HS6ST1: variants seen among roughly 807,000 people sequenced by gnomAD.
HS6ST1 encodes heparan-sulfate 6-O-sulfotransferase 1.
A neutral mutation model predicts 25.2 loss-of-function variants in HS6ST1; 3 were observed. The ratio of observed to expected loss-of-function variants is 0.12; its 90% CI spans 0.05 to 0.31. HS6ST1 has a LOEUF of 0.31. Among genes scored for constraint, HS6ST1 ranks in the 10% least tolerant of loss-of-function variants. The pLI, the probability that HS6ST1 is intolerant of heterozygous loss-of-function variation, is 1.00. For missense variants in HS6ST1, 310 were observed against 609.6 expected (o/e 0.51, Z 5.18); for synonymous variants, 204 against 275.1 (o/e 0.74, Z 2.56).
In HS6ST1 at chr2:128,310,283, G is replaced by A. The variant is rs559002590; in HGVS notation, c.527+7754C>T. On this transcript the variant is annotated intron_variant, in intron 1 of 1. Transcript: ENST00000259241. ...GAGGTGGCCCCGTGGAACTTGCGGCGTGTCACCCCCACAGGCATCCCCCCG... is the reference window on the plus strand; with the variant it reads ...GAGGTGGCCCCGTGGAACTTGCGGCATGTCACCCCCACAGGCATCCCCCCG... Among the ~76,000 whole-genome samples the A allele has an allele frequency of 4.3e-4, 65 of 152,290 alleles. 1 individual carries two copies. The highest frequency in any genetic ancestry group is 1.3e-3 in the African/African-American group (55 of 41,548).
intron 1 of HS6ST1, among the ~76,000 whole-genome samples, chr2:128,299,106 T>G (rs1241831526): frequency 6.6e-6 from 1 of 152,174 alleles, no homozygotes; most frequent in Admixed American, 6.5e-5. Flanking sequence ...AGGGCCGAGG[T>G]GTGACCTAGC....
rs558964686 is a variant in HS6ST1, at chr2:128,315,518, G to A, written c.527+2519C>T. On this transcript the variant is annotated intron_variant, in intron 1 of 1. Transcript: ENST00000259241. ...AGGGTCTCAGTCCCCAGAGAACACG[G>A]AGATGGCAGTGCAGAGCCAGAGTGA... Among the ~76,000 whole-genome samples, 4 of 152,336 alleles carry A rather than the reference G, an allele frequency of 2.6e-5. No homozygotes were observed. The South Asian group carries it at 8.3e-4, about 32-fold the overall frequency.
chr2:128,287,232 T>C (rs920255219), intron 1 of HS6ST1, among the ~76,000 whole-genome samples: 1 of 152,184 alleles, frequency 6.6e-6, no homozygotes, highest in African/African-American at 2.4e-5. Context: ...CTCCCATTCC[T>C]GACCAGGGCA....
chr2:128,318,538 C>T lies in HS6ST1; in HGVS notation c.26G>A (p.Arg9Lys), dbSNP rs1235378018. Residue 9 changes from arginine to lysine, a missense_variant, in exon 1 of 2, where the codon AGG becomes AAG. By Grantham distance (26) the Arg-to-Lys change is conservative. Around this residue, in one of 5 missense-constraint regions of HS6ST1, gnomAD observed 63 missense variants for 105.4 expected, o/e 0.60. Coordinates refer to ENST00000259241, the MANE Select transcript of HS6ST1 (RefSeq NM_004807.3). This position sits in a 1 kb window ranked among gnomAD's most constrained non-coding sequence, Gnocchi z 5.7. MRRRRAGG[R>K]TMVERASKFV... ...CTTGCTGGCGCGCTCAACCATGGTC[C>T]TGCCGCCGGCGCGCCGCCGCCGCAT... 16 of 1,498,740 alleles carry T rather than the reference C, an allele frequency of 1.1e-5. No homozygotes were observed. The highest frequency in any genetic ancestry group is 1.1e-5 in the Non-Finnish European group (13 of 1,131,666). 92.8% of individuals were successfully genotyped at this position (1,498,740 alleles called of 1,614,324 possible). A position where few individuals can be genotyped will look rare whatever the true frequency, so the allele number is the denominator to read the frequency against.
chr2:128,318,858 G>A lies in HS6ST1; in HGVS notation c.-295C>T, dbSNP rs1358485869. Among the ~76,000 whole-genome samples the A allele has an allele frequency of 6.8e-6, 1 of 147,458 alleles. No individual in the cohort carries two copies. On this transcript the variant is annotated 5_prime_UTR_variant, in exon 1 of 2. Coordinates refer to ENST00000259241, the MANE Select transcript of HS6ST1 (RefSeq NM_004807.3). The surrounding 1 kb of genome is among the most constrained non-coding windows in gnomAD (Gnocchi z 5.7). ...AGCCCGCTCCGCTCCACTCCGCGCC[G>A]AGAACGCTCTGCGCCGCCCCGCGCG...
chr2:128,302,501 G>A (rs1000814225), intron 1 of HS6ST1, among the ~76,000 whole-genome samples: 8 of 152,170 alleles, frequency 5.3e-5, no homozygotes, highest in South Asian at 2.1e-4. Context: ...TAGGGCTAAC[G>A]GTTCCCCAAG....
At chr2:128,273,900 G>A (rs557379008) in intron 1 of HS6ST1, among the ~76,000 whole-genome samples, 47 of 152,280 alleles carry the variant, frequency 3.1e-4, no homozygotes, top group African/African-American at 1.1e-3. Flanking sequence ...GTGCTCTCTG[G>A]AGGTGCCAAG....
chr2:128,287,100 G>A (rs996590664), intron 1 of HS6ST1, among the ~76,000 whole-genome samples: 2 of 152,312 alleles, frequency 1.3e-5, no homozygotes, highest in African/African-American at 4.8e-5. Flanking sequence ...TGGGGCAGGG[G>A]GTGGCTTAGC....
At chr2:128,289,774 AGCTGCCGG>A in intron 1 of HS6ST1, 1 of 152,346 alleles carries the variant, frequency 6.6e-6, no homozygotes, top group East Asian at 1.9e-4. Context: ...AAAGAGAGGA[AGCTGCCGG>A]AACAGACCTA....
At chr2:128,294,345 G>T (rs890247377) in intron 1 of HS6ST1, among the ~76,000 whole-genome samples, 1 of 152,220 alleles carries the variant, frequency 6.6e-6, no homozygotes, top group Non-Finnish European at 1.5e-5. Flanking sequence ...TGCCCATGAA[G>T]TGCCGCAGTC....
At chr2:128,285,182 A>G (rs1295639689) in intron 1 of HS6ST1, among the ~76,000 whole-genome samples, 2 of 152,216 alleles carry the variant, frequency 1.3e-5, no homozygotes, top group African/African-American at 4.8e-5. Context: ...AAGGGAAATG[A>G]GTGTTCCACG....
intron 1 of HS6ST1, among the ~76,000 whole-genome samples, chr2:128,305,975 G>A (rs1013084555): frequency 1.3e-5 from 2 of 152,180 alleles, no homozygotes; most frequent in Non-Finnish European, 2.9e-5. Flanking sequence ...ACCTGCCTGC[G>A]ACTTGTCACT....
At chr2:128,306,841 C>A (rs1038675919) in intron 1 of HS6ST1, among the ~76,000 whole-genome samples, 2 of 152,184 alleles carry the variant, frequency 1.3e-5, no homozygotes, top group Non-Finnish European at 2.9e-5. Flanking sequence ...GCAGACGGTG[C>A]CCAAGGGGCC....
chr2:128,281,342 C>A (rs1425525417), intron 1 of HS6ST1, among the ~76,000 whole-genome samples: 1 of 152,204 alleles, frequency 6.6e-6, no homozygotes, highest in Non-Finnish European at 1.5e-5. Flanking sequence ...TGGTACAGGG[C>A]TCTGTGCTCA....
At chr2:128,312,465 C>T (rs919046588) in intron 1 of HS6ST1, among the ~76,000 whole-genome samples, 2 of 152,228 alleles carry the variant, frequency 1.3e-5, no homozygotes, top group African/African-American at 2.4e-5. Context: ...TACATGCCCC[C>T]ATGGCTTGTC....
intron 1 of HS6ST1, among the ~76,000 whole-genome samples, chr2:128,294,782 T>A (rs4662600): frequency 6.6e-6 from 1 of 151,654 alleles, no homozygotes; most frequent in Admixed American, 6.6e-5. Context: ...TTCCTGACTG[T>A]GGCCCACAAG....
chr2:128,318,365 T>G lies in HS6ST1; in HGVS notation c.199A>C (p.Lys67Gln), dbSNP rs202247387. The G allele has an allele frequency of 6.3e-7, 1 of 1,592,594 alleles. No individual in the cohort carries two copies. Among genetic ancestry groups the G allele is most frequent in the East Asian group, 2.2e-5 (1 of 44,736 alleles). The change falls in exon 1 of 2, where the codon AAG (lysine) becomes CAG (glutamine). Residue 67 changes from lysine to glutamine, a missense_variant. This residue lies in a region of HS6ST1 where 63 missense variants were observed against 105.4 expected (regional missense o/e 0.60). Coordinates refer to ENST00000259241, the MANE Select transcript of HS6ST1 (RefSeq NM_004807.3). The surrounding 1 kb of genome is among the most constrained non-coding windows in gnomAD (Gnocchi z 5.7). ...AGCTCGCGGACCGGGAAGTAGTACT[T>G]CTTCTCGTAGTGGGGGTCGGGTGTG... The part of the protein sequence containing the change: ...FPTPDPHYEK[K>Q]YYFPVRELER...
intron 1 of HS6ST1, among the ~76,000 whole-genome samples, chr2:128,273,361 T>G (rs1693640942): frequency 6.6e-6 from 1 of 152,232 alleles, no homozygotes; most frequent in South Asian, 2.1e-4. Flanking sequence ...AGCCAGACTC[T>G]AGAAGCTGCC....
chr2:128,269,010 G>T, intron 1 of HS6ST1, 140 bp from the exon 2 acceptor site: 1 of 715,662 alleles, frequency 1.4e-6, no homozygotes, highest in Non-Finnish European at 2.5e-6. Context: ...TTAGCTCTCA[G>T]TCGTTTCAAA....
Sources: allele counts gnomAD v4.1 joint callset (sites outside exome capture counted in the v4.1 genomes callset), GRCh38; gene constraint gnomAD v4.1.1; regional missense constraint gnomAD v4.1.1; non-coding constraint Gnocchi (gnomAD v3.1); transcripts MANE v1.5; gene names NCBI Gene and HGNC (gene_info 2026-07-23, HGNC 2026-07-21).